Variants in TBC1D19 observed in about 807,000 individuals in gnomAD.
TBC1D19 encodes the protein TBC1 domain family member 19, also known as TBC1 domain family, member 19.
TBC1D19 carries 60 observed loss-of-function variants against 89.0 expected under a neutral mutation model. The ratio of observed to expected loss-of-function variants is 0.67; its 90% CI spans 0.55 to 0.84. The LOEUF (loss-of-function observed/expected upper bound fraction) is 0.84. Ranked by LOEUF, TBC1D19 falls within the 40% of genes least tolerant of loss-of-function variation. The probability of loss-of-function intolerance (pLI) is 0.00; values close to 1 mark genes in which losing one functional copy is unlikely to be tolerated. For synonymous variants in TBC1D19, 189 were observed against 199.7 expected, an observed-to-expected ratio of 0.95 and a Z score of 0.45; for missense variants, 500 against 610.8, an observed-to-expected ratio of 0.82 and a Z score of 1.91.
intron 20 of TBC1D19, 116 bp downstream of exon 20, chr4:26,754,006 G>T (rs892922830): frequency 9.9e-7 from 1 of 1,014,004 alleles, no homozygotes; most frequent in East Asian, 2.5e-5. Flanking sequence ...TTTTTAACTC[G>T]GGTAAAACCT....
At chr4:26,800,686 A>G in the TBC1D19 span, among the ~76,000 whole-genome samples, 5 of 152,126 alleles carry the variant, frequency 3.3e-5, no homozygotes, top group Non-Finnish European at 5.9e-5. Context: ...TGACTTTTTA[A>G]TGATCCTCAT....
In TBC1D19 at chr4:26,755,129, G is replaced by T. The variant is rs1420014789; in HGVS notation, c.*182G>T. ...AAACAATAACTCTGCACCAAATATT[G>T]CATCGCATGCTGCTGATTTTCAAGA... On this transcript the variant is annotated 3_prime_UTR_variant, in exon 21 of 21. Coordinates refer to ENST00000264866, the MANE Select transcript of TBC1D19 (RefSeq NM_018317.4). 4 of 347,092 alleles carry T rather than the reference G, an allele frequency of 1.2e-5. No individual in the cohort carries two copies. The highest frequency in any genetic ancestry group is 6.5e-5 in the African/African-American group (3 of 46,378). The allele number at this position is 347,092 out of a possible 1,614,324, so 21.5% of individuals were successfully genotyped here. A position where few individuals can be genotyped will look rare whatever the true frequency, so the allele number is the denominator to read the frequency against.
chr4:26,683,926 T>C (rs1332480653), intron 12 of TBC1D19, among the ~76,000 whole-genome samples, 177 bp downstream of exon 12: 1 of 152,186 alleles, frequency 6.6e-6, no homozygotes, highest in African/African-American at 2.4e-5. Flanking sequence ...GTTTGCATTC[T>C]CTGTTATCTT....
At chr4:26,604,643 A>G (rs1740859900) in intron 1 of TBC1D19, among the ~76,000 whole-genome samples, 3 of 150,644 alleles carry the variant, frequency 2.0e-5, no homozygotes, top group South Asian at 4.2e-4. Flanking sequence ...TGGGAGGCCA[A>G]GGTGGGCGGA....
At chr4:26,599,809 A>G (rs1031394359) in intron 1 of TBC1D19, among the ~76,000 whole-genome samples, 1 of 151,948 alleles carries the variant, frequency 6.6e-6, no homozygotes, top group Non-Finnish European at 1.5e-5. Flanking sequence ...TTAGCTGGGT[A>G]TGGTGGCGTG....
At chr4:26,658,458 A>T (rs1405320722) in intron 7 of TBC1D19, among the ~76,000 whole-genome samples, 1 of 152,018 alleles carries the variant, frequency 6.6e-6, no homozygotes, top group East Asian at 1.9e-4. Context: ...ATCTGTTTTT[A>T]TACCAGTACC....
At chr4:26,703,760 T>G (rs1470221392) in intron 13 of TBC1D19, among the ~76,000 whole-genome samples, 1 of 151,538 alleles carries the variant, frequency 6.6e-6, no homozygotes, top group Non-Finnish European at 1.5e-5. Context: ...GAGACCATCC[T>G]GGCTAACATG....
At chr4:26,638,741 T>A (rs1406866546) in intron 5 of TBC1D19, 30 bp from the exon 6 acceptor site, 4 of 1,573,738 alleles carry the variant, frequency 2.5e-6, no homozygotes, top group Admixed American at 3.7e-5. Context: ...AAAAATGAAA[T>A]GAAACCAGTT....
the TBC1D19 span, among the ~76,000 whole-genome samples, chr4:26,783,940 G>A: frequency 3.9e-5 from 6 of 152,102 alleles, no homozygotes; most frequent in African/African-American, 4.8e-5. Flanking sequence ...ATTGGGAATG[G>A]TCCAGAGGTG....
chr4:26,672,680 C>T (rs1641705402), intron 10 of TBC1D19, among the ~76,000 whole-genome samples: 1 of 151,802 alleles, frequency 6.6e-6, no homozygotes, highest in Non-Finnish European at 1.5e-5. Flanking sequence ...TTTGAAGATT[C>T]TTTTCCTTGT....
chr4:26,681,445 G>A (rs932487514), intron 11 of TBC1D19, among the ~76,000 whole-genome samples: 3 of 151,982 alleles, frequency 2.0e-5, no homozygotes, highest in African/African-American at 7.2e-5. Flanking sequence ...CAGCTACTCG[G>A]GAGGCTGGAG....
the TBC1D19 span, among the ~76,000 whole-genome samples, chr4:26,821,029 C>T: frequency 6.6e-6 from 1 of 152,144 alleles, no homozygotes; most frequent in Non-Finnish European, 1.5e-5. Flanking sequence ...TCCCTCTGGC[C>T]CCTACACTGC....
the TBC1D19 span, among the ~76,000 whole-genome samples, chr4:26,844,674 T>C: frequency 2.0e-5 from 3 of 152,344 alleles, no homozygotes; most frequent in Admixed American, 2.0e-4. Context: ...CCAGCTGTGT[T>C]TTATGGGGAT....
chr4:26,668,998 C>T (rs1329300723), intron 9 of TBC1D19, among the ~76,000 whole-genome samples: 1 of 151,242 alleles, frequency 6.6e-6, no homozygotes, highest in Non-Finnish European at 1.5e-5. Flanking sequence ...CACACACACA[C>T]ACACACACAC....
intron 8 of TBC1D19, 92 bp downstream of exon 8, chr4:26,659,799 TC>T (rs1337871551): frequency 9.1e-6 from 6 of 657,844 alleles, no homozygotes; most frequent in East Asian, 8.4e-5. Context: ...AATAGGGTAA[TC>T]TACTCATTAA....
rs1129230 is a variant in TBC1D19, at chr4:26,755,233, C to A, written c.*286C>A. 58,598 of 154,476 alleles carry A rather than the reference C, an allele frequency of 0.38. 12,081 individuals carry two copies. The highest frequency in any genetic ancestry group is 0.47 in the Non-Finnish European group (32,747 of 70,374). 9.6% of individuals were successfully genotyped at this position (154,476 alleles called of 1,614,324 possible). On this transcript the variant is annotated 3_prime_UTR_variant, in exon 21 of 21. Coordinates refer to ENST00000264866, the MANE Select transcript of TBC1D19 (RefSeq NM_018317.4). Reference sequence around the variant, plus strand: ...TAATATATATATAATCCTGACTTGTCAATGGCATGTAATAATATATGCAAT... The same window carrying A: ...TAATATATATATAATCCTGACTTGTAAATGGCATGTAATAATATATGCAAT...
chr4:26,597,608 C>T (rs1048001042), intron 1 of TBC1D19, among the ~76,000 whole-genome samples: 3 of 151,206 alleles, frequency 2.0e-5, no homozygotes, highest in East Asian at 3.9e-4. Context: ...AGGTGATCCT[C>T]CCGCCTCAGC....
chr4:26,748,976 T>G (rs557898520), intron 19 of TBC1D19, among the ~76,000 whole-genome samples: 2 of 152,334 alleles, frequency 1.3e-5, no homozygotes, highest in East Asian at 1.9e-4. Context: ...AGCTCTTCTG[T>G]GTCTATTTAT....
At chr4:26,662,101 T>A (rs1427657647) in intron 8 of TBC1D19, among the ~76,000 whole-genome samples, 1 of 152,188 alleles carries the variant, frequency 6.6e-6, no homozygotes, top group Non-Finnish European at 1.5e-5. Flanking sequence ...TGGGGACATT[T>A]CTCTTAGAAT....
Sources: gnomAD v4.1 joint callset for allele counts (sites outside exome capture counted in the v4.1 genomes callset) on GRCh38, gnomAD v4.1.1 for gene constraint, MANE v1.5 for transcripts, NCBI Gene and HGNC (gene_info 2026-07-23, HGNC 2026-07-21) for gene names.